The following TCTN2 variants were observed in gnomAD, a reference collection of about 807,000 sequenced individuals.
TCTN2 encodes tectonic-2.
TCTN2 carries 66 observed loss-of-function variants against 83.4 expected under a neutral mutation model. That is an observed-to-expected ratio of 0.79 (90% CI 0.65 to 0.97). The LOEUF (loss-of-function observed/expected upper bound fraction) is 0.97, where lower values mean the gene tolerates loss of function less well. Ranked by LOEUF, TCTN2 falls within the 50% of genes least tolerant of loss-of-function variation. The pLI is 0.00. For missense variants in TCTN2, 794 were observed against 858.1 expected, an observed-to-expected ratio of 0.93 and a Z score of 0.93; for synonymous variants, 301 against 326.7, an observed-to-expected ratio of 0.92 and a Z score of 0.85.
chr12:123,705,413 G>A (rs909964274), intron 15 of TCTN2, among the ~76,000 whole-genome samples: 13 of 151,894 alleles, frequency 8.6e-5, no homozygotes, highest in African/African-American at 3.1e-4. Context: ...CGCCCGCCTC[G>A]GCCTCCCAAA....
chr12:123,681,448 G>T (rs1955898953), intron 5 of TCTN2, among the ~76,000 whole-genome samples: 1 of 152,064 alleles, frequency 6.6e-6, no homozygotes, highest in Non-Finnish European at 1.5e-5. Flanking sequence ...CTGTCTCCAT[G>T]AATTTGCCCA....
Position 123,692,661 on chromosome 12 carries a change from T to C in TCTN2, c.1037T>C (p.Ile346Thr). The change falls in exon 9 of 18, where the codon ATA (isoleucine) becomes ACA (threonine). Residue 346 changes from isoleucine to threonine, a missense_variant. Coordinates refer to ENST00000303372, the MANE Select transcript of TCTN2 (RefSeq NM_024809.5). ...AKIKNVALGGIVTPKVIYEEA... is the reference protein window; with the variant it reads ...AKIKNVALGGTVTPKVIYEEA... ...TTAATTTATGTTATCTCTTTAGGCA[T>C]AGTTACACCAAAAGTGATCTATGAG... is the stretch of plus-strand genomic sequence containing the variant. 3.1e-6 allele frequency: 5 copies of C among 1,612,582 alleles called. No individual in the cohort carries two copies. The highest frequency in any genetic ancestry group is 4.2e-6 in the Non-Finnish European group (5 of 1,178,596).
chr12:123,698,698 TG>T (rs1208066517), intron 13 of TCTN2, among the ~76,000 whole-genome samples: 2 of 152,336 alleles, frequency 1.3e-5, no homozygotes, highest in Admixed American at 1.3e-4. Flanking sequence ...CCCAAAGTGC[TG>T]GGGTTACAAG....
chr12:123,707,822 C>G lies in TCTN2; in HGVS notation c.*109C>G. ...CTCCTCTTGGGTTCAAGCGATTCTCCTGCCTCAGCCTCCGGAGAACTGGGA... is the reference window on the plus strand; with the variant it reads ...CTCCTCTTGGGTTCAAGCGATTCTCGTGCCTCAGCCTCCGGAGAACTGGGA... On this transcript the variant is annotated 3_prime_UTR_variant, in exon 18 of 18. Coordinates refer to ENST00000303372, the MANE Select transcript of TCTN2 (RefSeq NM_024809.5). 1.2e-6 allele frequency: 1 copy of G among 825,512 alleles called. No individual in the cohort carries two copies. The highest frequency in any genetic ancestry group is 2.1e-6 in the Non-Finnish European group (1 of 482,890). The allele number at this position is 825,512 out of a possible 1,614,324, so 51.1% of individuals were successfully genotyped here. A position where few individuals can be genotyped will look rare whatever the true frequency, so the allele number is the denominator to read the frequency against.
At chr12:123,706,642 T>C (rs913622342) in intron 15 of TCTN2, 84 bp from the exon 16 acceptor site, 2 of 1,601,694 alleles carry the variant, frequency 1.2e-6, no homozygotes, top group Non-Finnish European at 1.7e-6. Flanking sequence ...TCAGGTTATA[T>C]TGTGATTGCA....
rs1161178297 is a variant in TCTN2 at position 123,671,514 on chromosome 12, C to T, written c.90C>T (p.Ile30=). ...LRLLWGDLAF[I]PPFIRMSGPA... Reference sequence around the variant, plus strand: ...CCTTTCCTTCCCGCCTAGCTTTCATCCCTCCTTTTATCCGAATGTCCGGCC... The same window carrying T: ...CCTTTCCTTCCCGCCTAGCTTTCATTCCTCCTTTTATCCGAATGTCCGGCC... The change falls in exon 2 of 18, where the codon ATC becomes ATT. Residue 30 remains isoleucine, a synonymous_variant. Transcript: ENST00000303372. 6 of 1,614,138 alleles carry T rather than the reference C, an allele frequency of 3.7e-6. No homozygotes were observed. In the South Asian group the frequency reaches 6.6e-5, roughly 18 times the overall value.
chr12:123,700,817 A>G (rs1956164464), intron 14 of TCTN2, among the ~76,000 whole-genome samples: 1 of 152,212 alleles, frequency 6.6e-6, no homozygotes, highest in Admixed American at 6.5e-5. Context: ...ATGTGGTGGC[A>G]TGTCCCTGCA....
At chr12:123,677,146 A>G (rs1460631367) in intron 4 of TCTN2, among the ~76,000 whole-genome samples, 3 of 152,096 alleles carry the variant, frequency 2.0e-5, no homozygotes, top group Non-Finnish European at 4.4e-5. Context: ...GCCATTTCAC[A>G]CTTCAGCCTG....
chr12:123,685,557 T>G (rs746988993), intron 5 of TCTN2, among the ~76,000 whole-genome samples: 3 of 151,880 alleles, frequency 2.0e-5, no homozygotes, highest in Non-Finnish European at 4.4e-5. Flanking sequence ...TAGCTGGGAT[T>G]ATAGGTGTGT....
rs764741041 is a variant in TCTN2 at position 123,671,647 on chromosome 12, G to A, written c.190+33G>A. On this transcript the variant is annotated intron_variant, in intron 2 of 17. Coordinates refer to ENST00000303372, the MANE Select transcript of TCTN2 (RefSeq NM_024809.5). ...CCGGCCCTCTTTTGGGGAGGGTGGG[G>A]GTTGGACTGGATCCAGACCTCCCAA... 7 of 1,586,206 alleles carry A rather than the reference G, an allele frequency of 4.4e-6. No individual in the cohort carries two copies. In the East Asian group the frequency reaches 1.3e-4, roughly 30 times the overall value.
intron 9 of TCTN2, among the ~76,000 whole-genome samples, chr12:123,693,269 A>G (rs892664564): frequency 3.3e-5 from 5 of 150,144 alleles, no homozygotes; most frequent in Non-Finnish European, 5.9e-5. Flanking sequence ...CAGGTGATCC[A>G]CTTGCCTTGG....
In TCTN2 at chr12:123,699,743, G is replaced by A. The variant is rs1956150037; in HGVS notation, c.1545G>A (p.Ala515=). The A allele has an allele frequency of 2.5e-6, 4 of 1,614,134 alleles. No individual in the cohort carries two copies. Among genetic ancestry groups the A allele is most frequent in the Non-Finnish European group, 1.7e-6 (2 of 1,180,030 alleles). ...AVERLDSLIQ[A]THVAMRGNSD... The stretch of plus-strand genomic sequence containing the variant: ...AAAGACTTGATTCATTAATACAAGC[G>A]ACTCACGTTGCAATGAGAGGCAACT... The change falls in exon 14 of 18, where the codon GCG becomes GCA. Residue 515 remains alanine (A), a synonymous_variant. Transcript: ENST00000303372.
At chr12:123,675,803 T>G (rs1390107612) in intron 4 of TCTN2, among the ~76,000 whole-genome samples, 1 of 152,152 alleles carries the variant, frequency 6.6e-6, no homozygotes, top group African/African-American at 2.4e-5. Context: ...TTTAATATGC[T>G]TTTGATTTTT....
At chr12:123,696,156 T>C (rs1956105702) in intron 11 of TCTN2, 2 of 451,254 alleles carry the variant, frequency 4.4e-6, no homozygotes, top group Non-Finnish European at 8.2e-6. Context: ...CATGGTATTC[T>C]TTTTGTGATA....
chr12:123,702,533 A>AC (rs35357776), intron 14 of TCTN2, among the ~76,000 whole-genome samples: 54,318 of 151,320 alleles, frequency 0.36, 10,158 homozygotes, highest in African/African-American at 0.41. Context: ...GTCCTGTTGG[A>AC]CTCCACCCCC....
chr12:123,692,299 C>T (rs1335814691), intron 8 of TCTN2, among the ~76,000 whole-genome samples: 1 of 152,226 alleles, frequency 6.6e-6, no homozygotes, highest in Non-Finnish European at 1.5e-5. Context: ...CCTGCCTCGG[C>T]CTCCCAAAGT....
intron 6 of TCTN2, among the ~76,000 whole-genome samples, 183 bp from the exon 7 acceptor site, chr12:123,687,868 G>A (rs572359130): frequency 6.6e-6 from 1 of 151,654 alleles, no homozygotes; most frequent in Non-Finnish European, 1.5e-5. Flanking sequence ...GGAGACTGAG[G>A]CACAAGAATT....
At chr12:123,688,369 C>T (rs987299418) in intron 7 of TCTN2, among the ~76,000 whole-genome samples, 192 bp downstream of exon 7, 3 of 151,876 alleles carry the variant, frequency 2.0e-5, no homozygotes, top group African/African-American at 4.8e-5. Flanking sequence ...GTGTGTGCCA[C>T]CGCACCCAGC....
chr12:123,702,843 T>C lies in TCTN2; in HGVS notation c.1613-1689T>C, dbSNP rs116508775. 5.7e-3 allele frequency among the ~76,000 whole-genome samples: 871 copies of C among 152,274 alleles called. 9 individuals carry two copies. The highest frequency in any genetic ancestry group is 0.02 in the African/African-American group (838 of 41,550). The stretch of plus-strand genomic sequence containing the variant: ...GGAAGGGGTTAGCTTTTATTTCATG[T>C]CTGAGCCAAAAAGCAACCTTGATCC... On this transcript the variant is annotated intron_variant, in intron 14 of 17. Transcript: ENST00000303372.
Sources: gnomAD v4.1 joint callset for allele counts (sites outside exome capture counted in the v4.1 genomes callset) on GRCh38, gnomAD v4.1.1 for gene constraint, MANE v1.5 for transcripts, NCBI Gene and HGNC (gene_info 2026-07-23, HGNC 2026-07-21) for gene names.